The following ITGA9 variants were observed in gnomAD, a reference collection of about 807,000 sequenced individuals.
The protein encoded by ITGA9 is integrin alpha-9.
ITGA9 carries 56 observed loss-of-function variants against 127.8 expected under a neutral mutation model. The observed-to-expected ratio is 0.44, with a 90% CI of 0.35 to 0.55. ITGA9 has a LOEUF of 0.55. ITGA9 is among the 20% of genes least tolerant of loss of function. The pLI, the probability that ITGA9 is intolerant of heterozygous loss-of-function variation, is 0.00. For synonymous variants in ITGA9, 508 were observed against 514.5 expected, an observed-to-expected ratio of 0.99 and a Z score of 0.17; for missense variants, 1,196 against 1,347.1, an observed-to-expected ratio of 0.89 and a Z score of 1.76.
intron 18 of ITGA9, among the ~76,000 whole-genome samples, chr3:37,694,709 T>C (rs1426617486): frequency 6.6e-6 from 1 of 152,202 alleles, no homozygotes; most frequent in Non-Finnish European, 1.5e-5. Flanking sequence ...AGATTTCTTT[T>C]TTTCTAACTA....
intron 27 of ITGA9, among the ~76,000 whole-genome samples, chr3:37,809,821 G>A (rs1363203063): frequency 6.6e-6 from 1 of 152,174 alleles, no homozygotes; most frequent in Non-Finnish European, 1.5e-5. Context: ...TATGTTTAGT[G>A]AATAGTGATT....
In ITGA9 at chr3:37,732,852, C is replaced by A; in HGVS notation, c.2154+54C>A. 2.2e-6 allele frequency: 3 copies of A among 1,374,896 alleles called. No homozygotes were observed. In the East Asian group the frequency reaches 7.0e-5, roughly 32 times the overall value. 85.2% of individuals were successfully genotyped at this position (1,374,896 alleles called of 1,614,324 possible). On this transcript the variant is annotated intron_variant, in intron 19 of 27. Coordinates refer to ENST00000264741, the MANE Select transcript of ITGA9 (RefSeq NM_002207.3). ...AGCAGCAGGCCCCCAGCCCTTCCAC[C>A]AGCCACTGATTCCGCCGCCTCCCTG...
At position 37,716,221 on chromosome 3, in the gene ITGA9, G is replaced by A. The variant is rs140262033; in HGVS notation, c.2068-16491G>A. ...CTCCCACAAAAGACACACAGGTGGT[G>A]GCATCTGGGGGGTCAATGTGCATGG... On this transcript the variant is annotated intron_variant, in intron 18 of 27. Transcript: ENST00000264741. 4.8e-3 allele frequency among the ~76,000 whole-genome samples: 730 copies of A among 152,276 alleles called. 9 individuals are homozygous for A. The highest frequency in any genetic ancestry group is 0.03 in the South Asian group (144 of 4,812).
intron 18 of ITGA9, among the ~76,000 whole-genome samples, chr3:37,692,802 C>T (rs974180066): frequency 2.6e-5 from 4 of 152,124 alleles, no homozygotes; most frequent in Non-Finnish European, 4.4e-5. Flanking sequence ...TGGCAGGGGG[C>T]TAGGTCCTGA....
rs1698704125 is a variant in ITGA9, at chr3:37,494,357, C to G, written c.545-144C>G. 9.9e-6 allele frequency: 7 copies of G among 706,284 alleles called. No homozygotes were observed. In the South Asian group the frequency reaches 1.1e-4, roughly 11 times the overall value. 43.8% of individuals were successfully genotyped at this position (706,284 alleles called of 1,614,324 possible). ...CTGGTGGATTCCTGAGACTTTCCTT[C>G]CTCACCCCAGTCTGGATGGCATCCC... On this transcript the variant is annotated intron_variant, in intron 4 of 27. Coordinates refer to ENST00000264741, the MANE Select transcript of ITGA9 (RefSeq NM_002207.3).
chr3:37,522,420 A>T (rs958383578), intron 11 of ITGA9, among the ~76,000 whole-genome samples: 1 of 152,204 alleles, frequency 6.6e-6, no homozygotes, highest in Non-Finnish European at 1.5e-5. Flanking sequence ...TGGATATGTG[A>T]TGAACTTAAT....
chr3:37,777,021 G>A (rs1696916455), intron 23 of ITGA9, among the ~76,000 whole-genome samples: 1 of 152,178 alleles, frequency 6.6e-6, no homozygotes, highest in South Asian at 2.1e-4. Context: ...AGTGACCTAA[G>A]TTCAGTCTCA....
intron 16 of ITGA9, among the ~76,000 whole-genome samples, chr3:37,632,199 A>C (rs139469605): frequency 6.6e-6 from 1 of 152,228 alleles, no homozygotes; most frequent in Non-Finnish European, 1.5e-5. Flanking sequence ...AAAAAATTTT[A>C]AAAATGCAAC....
intron 15 of ITGA9, among the ~76,000 whole-genome samples, chr3:37,570,484 C>T (rs1278111464): frequency 6.6e-6 from 1 of 152,148 alleles, no homozygotes; most frequent in Non-Finnish European, 1.5e-5. Context: ...CAGGTGGCTT[C>T]CTTTTCCAGT....
At chr3:37,553,725 A>G (rs1022828205) in intron 15 of ITGA9, among the ~76,000 whole-genome samples, 1 of 152,138 alleles carries the variant, frequency 6.6e-6, no homozygotes, top group African/African-American at 2.4e-5. Flanking sequence ...GGGAGTTTCA[A>G]CTCTGGGGAA....
intron 17 of ITGA9, among the ~76,000 whole-genome samples, chr3:37,656,328 C>A (rs1375411484): frequency 6.6e-6 from 1 of 152,036 alleles, no homozygotes; most frequent in African/African-American, 2.4e-5. Flanking sequence ...TCCATGAGCA[C>A]AGACTGTTTT....
At chr3:37,599,544 A>G (rs1353178673) in intron 15 of ITGA9, among the ~76,000 whole-genome samples, 1 of 152,170 alleles carries the variant, frequency 6.6e-6, no homozygotes, top group Non-Finnish European at 1.5e-5. Flanking sequence ...AGTTCAAGGG[A>G]TGGGAAAATA....
At chr3:37,688,026 T>C (rs1700797976) in intron 18 of ITGA9, among the ~76,000 whole-genome samples, 1 of 152,248 alleles carries the variant, frequency 6.6e-6, no homozygotes, top group East Asian at 1.9e-4. Context: ...ATGAGGAAGC[T>C]GCTGGAGGAC....
At chr3:37,710,215 C>T (rs981678229) in intron 18 of ITGA9, among the ~76,000 whole-genome samples, 1 of 152,148 alleles carries the variant, frequency 6.6e-6, no homozygotes, top group African/African-American at 2.4e-5. Context: ...ACAGGGGTGA[C>T]AGCTTAGCTC....
chr3:37,661,587 C>G (rs1252390690), intron 17 of ITGA9, among the ~76,000 whole-genome samples: 1 of 152,220 alleles, frequency 6.6e-6, no homozygotes, highest in Non-Finnish European at 1.5e-5. Context: ...AAACCAGGGT[C>G]TGAATTTGGT....
intron 15 of ITGA9, among the ~76,000 whole-genome samples, chr3:37,562,980 G>A (rs1699509134): frequency 7.4e-6 from 1 of 135,240 alleles, no homozygotes; most frequent in Admixed American, 9.2e-5. Flanking sequence ...AAGATGCTTG[G>A]CATCAGGAAC....
At chr3:37,482,165 C>T (rs1028083628) in intron 4 of ITGA9, among the ~76,000 whole-genome samples, 2 of 152,188 alleles carry the variant, frequency 1.3e-5, no homozygotes, top group East Asian at 3.8e-4. Context: ...AGAAACCTGA[C>T]ACTCTGAACT....
At chr3:37,499,696 C>T (rs893542946) in intron 5 of ITGA9, among the ~76,000 whole-genome samples, 23 of 152,088 alleles carry the variant, frequency 1.5e-4, no homozygotes, top group African/African-American at 4.8e-4. Context: ...CCCTGAGGGT[C>T]GCAGGCTTGG....
intron 4 of ITGA9, 28 bp downstream of exon 4, chr3:37,481,635 C>T (rs1273171158): frequency 1.2e-6 from 2 of 1,614,014 alleles, no homozygotes; most frequent in Non-Finnish European, 1.7e-6. Context: ...TTTCCTCATC[C>T]CCCTACCCAC....
Sources: gnomAD v4.1 joint callset for allele counts (sites outside exome capture counted in the v4.1 genomes callset) on GRCh38, gnomAD v4.1.1 for gene constraint, MANE v1.5 for transcripts, NCBI Gene and HGNC (gene_info 2026-07-23, HGNC 2026-07-21) for gene names.